SSBP2: variants seen among roughly 807,000 people sequenced by gnomAD.
SSBP2 encodes single stranded DNA binding protein 2.
Under a neutral mutation model 61.8 loss-of-function variants are expected in SSBP2, and 17 were observed. That is an observed-to-expected ratio of 0.28 (90% CI 0.19 to 0.41). The LOEUF (loss-of-function observed/expected upper bound fraction) is 0.41, where lower values mean the gene tolerates loss of function less well. Among genes scored for constraint, SSBP2 ranks in the 10% least tolerant of loss-of-function variants. The pLI, the probability that SSBP2 is intolerant of heterozygous loss-of-function variation, is 1.00. For synonymous variants in SSBP2, 139 were observed against 141.3 expected (o/e 0.98, Z 0.12); for missense variants, 310 against 458.7 (o/e 0.68, Z 2.96).
In SSBP2 at chr5:81,479,251, G is replaced by A. The variant is rs551852798; in HGVS notation, c.433-4689C>T. ...ATAACATGTTAAAGGTATTCCACCC[G>A]GATTCATTTAACTAGTCACAAATTT... On this transcript the variant is annotated intron_variant, in intron 6 of 16. Transcript: ENST00000320672. Among the ~76,000 whole-genome samples, 9 of 152,026 alleles carry A rather than the reference G, an allele frequency of 5.9e-5. No homozygotes were observed. The East Asian group carries it at 9.7e-4, about 16-fold the overall frequency.
chr5:81,559,647 A>C (rs1370498754), intron 4 of SSBP2, among the ~76,000 whole-genome samples: 1 of 152,082 alleles, frequency 6.6e-6, no homozygotes, highest in East Asian at 1.9e-4. Flanking sequence ...TGAACTTTAT[A>C]ATTAATTTGC....
chr5:81,658,636 C>G (rs1750431199), intron 1 of SSBP2, among the ~76,000 whole-genome samples: 1 of 152,094 alleles, frequency 6.6e-6, no homozygotes, highest in Non-Finnish European at 1.5e-5. Context: ...TAACGGCTGA[C>G]TGTATAAGTG....
rs569857489 is a variant in SSBP2, at chr5:81,580,046, T to C, written c.282+35427A>G. On this transcript the variant is annotated intron_variant, in intron 4 of 16. Coordinates refer to ENST00000320672, the MANE Select transcript of SSBP2 (RefSeq NM_012446.5). ...GTATTAATGAAACAAACTATTTCAA[T>C]GGGCCTTGCAGAAAGGTTCCATAAA... Among the ~76,000 whole-genome samples, 457 of 152,224 alleles carry C rather than the reference T, an allele frequency of 3.0e-3. 2 individuals carry two copies. The highest frequency in any genetic ancestry group is 4.6e-3 in the Non-Finnish European group (315 of 67,966).
Position 81,626,907 on chromosome 5 carries a change from T to G in SSBP2, c.197+9650A>C, listed in dbSNP as rs569927141. Among the ~76,000 whole-genome samples, 34 of 152,338 alleles carry G rather than the reference T, an allele frequency of 2.2e-4. 1 individual carries two copies. In the South Asian group the frequency reaches 6.8e-3, roughly 31 times the overall value. ...TACTGAGATGAGCACTGGTTACAAT[T>G]CAGGAACTTGAATTCTAACTCTAAA... is the stretch of plus-strand genomic sequence containing the variant. On this transcript the variant is annotated intron_variant, in intron 3 of 16. Coordinates refer to ENST00000320672, the MANE Select transcript of SSBP2 (RefSeq NM_012446.5).
chr5:81,516,812 A>C lies in SSBP2; in HGVS notation c.283-3095T>G, dbSNP rs752471439. Among the ~76,000 whole-genome samples the C allele has an allele frequency of 3.4e-4, 52 of 152,214 alleles. 1 individual carries two copies. Among genetic ancestry groups the C allele is most frequent in the Non-Finnish European group, 6.9e-4 (47 of 67,962 alleles). On this transcript the variant is annotated intron_variant, in intron 4 of 16. Transcript: ENST00000320672. ...AGGTAAATAAGAAGTTTTTGGAATT[A>C]GAAATTTATTTAGATGGGAGAAGTA...
chr5:81,600,945 A>G (rs1250643928), intron 4 of SSBP2, among the ~76,000 whole-genome samples: 4 of 152,180 alleles, frequency 2.6e-5, no homozygotes, highest in Non-Finnish European at 5.9e-5. Context: ...ATACAGAATA[A>G]AAATTTCATC....
At chr5:81,645,272 A>C (rs1749148770) in intron 2 of SSBP2, among the ~76,000 whole-genome samples, 1 of 152,170 alleles carries the variant, frequency 6.6e-6, no homozygotes. Context: ...CTGGTTAGGA[A>C]ATACTAATTA....
rs576204710 is a variant in SSBP2, at chr5:81,615,270, C to T, written c.282+203G>A. The T allele has an allele frequency of 4.8e-4, 262 of 547,378 alleles. 2 individuals carry two copies. Among genetic ancestry groups the T allele is most frequent in the Middle Eastern group, 3.5e-3 (7 of 2,008 alleles). The allele number at this position is 547,378 out of a possible 1,614,324, so 33.9% of individuals were successfully genotyped here. A position where few individuals can be genotyped will look rare whatever the true frequency, so the allele number is the denominator to read the frequency against. On this transcript the variant is annotated intron_variant, in intron 4 of 16. Coordinates refer to ENST00000320672, the MANE Select transcript of SSBP2 (RefSeq NM_012446.5). ...CTTTAATAGCTTAGAATTAGGCCTA[C>T]GCTTTATCCTAAGCTTTAACAAGAC...
intron 4 of SSBP2, among the ~76,000 whole-genome samples, chr5:81,519,469 T>C (rs1269485163): frequency 6.6e-6 from 1 of 152,142 alleles, no homozygotes; most frequent in Non-Finnish European, 1.5e-5. Context: ...GCACATGGCA[T>C]CCCAGCTATA....
At chr5:81,655,090 C>T (rs1003533619) in intron 1 of SSBP2, among the ~76,000 whole-genome samples, 6 of 152,024 alleles carry the variant, frequency 3.9e-5, no homozygotes, top group Non-Finnish European at 7.4e-5. Context: ...TTCAAGGCTG[C>T]AGTGAGCTAT....
At chr5:81,670,232 G>A (rs1262081924) in intron 1 of SSBP2, among the ~76,000 whole-genome samples, 1 of 152,196 alleles carries the variant, frequency 6.6e-6, no homozygotes. Context: ...GGTGGGGGAT[G>A]TTGATAAACG....
At chr5:81,461,162 C>A in intron 9 of SSBP2, 59 bp from the exon 10 acceptor site, 3 of 1,297,924 alleles carry the variant, frequency 2.3e-6, no homozygotes, top group East Asian at 2.5e-5. Context: ...TCACAATAAT[C>A]AATGACAAAT....
At chr5:81,474,095 T>C (rs1378586114) in intron 7 of SSBP2, among the ~76,000 whole-genome samples, 1 of 152,180 alleles carries the variant, frequency 6.6e-6, no homozygotes, top group Non-Finnish European at 1.5e-5. Context: ...GTTATTGAGA[T>C]TGTTAAACTA....
At chr5:81,581,798 T>C (rs1177847950) in intron 4 of SSBP2, among the ~76,000 whole-genome samples, 1 of 152,184 alleles carries the variant, frequency 6.6e-6, no homozygotes, top group African/African-American at 2.4e-5. Context: ...AGAAAAATTA[T>C]ATTTAAAAGA....
intron 15 of SSBP2, among the ~76,000 whole-genome samples, chr5:81,436,202 A>G: frequency 6.6e-6 from 1 of 151,144 alleles, no homozygotes; most frequent in Admixed American, 6.6e-5. Flanking sequence ...AAAAAAAAAA[A>G]AAAAAAAAGA....
chr5:81,609,919 C>T (rs1462285533), intron 4 of SSBP2, among the ~76,000 whole-genome samples: 1 of 152,176 alleles, frequency 6.6e-6, no homozygotes, highest in Non-Finnish European at 1.5e-5. Context: ...GGGAGAGAAA[C>T]CACCCGATTC....
intron 1 of SSBP2, among the ~76,000 whole-genome samples, chr5:81,656,212 C>A (rs1294937535): frequency 6.6e-6 from 1 of 151,984 alleles, no homozygotes; most frequent in Non-Finnish European, 1.5e-5. Context: ...CCACCACGCC[C>A]AGCTAATTTT....
intron 1 of SSBP2, among the ~76,000 whole-genome samples, chr5:81,693,858 AT>A (rs1175333336): frequency 6.6e-6 from 1 of 152,214 alleles, no homozygotes; most frequent in East Asian, 1.9e-4. Flanking sequence ...AAATCAGTAT[AT>A]TGAAGAGATA....
At chr5:81,682,649 T>C (rs1192573506) in intron 1 of SSBP2, among the ~76,000 whole-genome samples, 1 of 152,128 alleles carries the variant, frequency 6.6e-6, no homozygotes, top group Non-Finnish European at 1.5e-5. Context: ...CTTTTTGGCA[T>C]TGTACTGGAA....
Sources: allele counts gnomAD v4.1 joint callset (sites outside exome capture counted in the v4.1 genomes callset), GRCh38; gene constraint gnomAD v4.1.1; transcripts MANE v1.5; gene names NCBI Gene and HGNC (gene_info 2026-07-23, HGNC 2026-07-21).